Variants in NALF1 observed in about 807,000 individuals in gnomAD.
NALF1 encodes NALCN channel auxiliary factor 1.
Under a neutral mutation model 48.4 loss-of-function variants are expected in NALF1, and 3 were observed. The ratio of observed to expected loss-of-function variants is 0.06; its 90% CI spans 0.03 to 0.16. The LOEUF (loss-of-function observed/expected upper bound fraction) is 0.16, where lower values mean the gene tolerates loss of function less well. NALF1 is among the 10% of genes least tolerant of loss of function. NALF1 has a pLI of 1.00. For missense variants in NALF1, 526 were observed against 571.5 expected (o/e 0.92, Z 0.81); for synonymous variants, 262 against 245.7 (o/e 1.07, Z -0.62).
At chr13:107,669,394 C>T (rs1287911881) in intron 1 of NALF1, among the ~76,000 whole-genome samples, 1 of 152,118 alleles carries the variant, frequency 6.6e-6, no homozygotes, top group Non-Finnish European at 1.5e-5. Context: ...TACTGTAAAA[C>T]TGCTAAGTTC....
intron 2 of NALF1, among the ~76,000 whole-genome samples, chr13:107,189,837 A>G (rs2138783184): frequency 6.6e-6 from 1 of 152,330 alleles, no homozygotes; most frequent in South Asian, 2.1e-4. Flanking sequence ...ATTTGGAATA[A>G]TTTAAGTGTT....
At chr13:107,652,871 A>G (rs986292104) in intron 1 of NALF1, among the ~76,000 whole-genome samples, 5 of 152,136 alleles carry the variant, frequency 3.3e-5, no homozygotes, top group African/African-American at 1.2e-4. Context: ...TCTTTTCACA[A>G]TATGGAAACA....
At chr13:107,194,034 ATC>A (rs1879338874) in intron 2 of NALF1, among the ~76,000 whole-genome samples, 3 of 147,934 alleles carry the variant, frequency 2.0e-5, no homozygotes, top group East Asian at 2.0e-4. Context: ...CTATCTATCT[ATC>A]TATCTATCTA....
Position 107,169,880 on chromosome 13 carries a change from G to A in NALF1, c.*617C>T, listed in dbSNP as rs1432090070. 2.0e-5 allele frequency: 3 copies of A among 152,846 alleles called. No homozygotes were observed. Among genetic ancestry groups the A allele is most frequent in the East Asian group, 1.9e-4 (1 of 5,196 alleles). 9.5% of individuals were successfully genotyped at this position (152,846 alleles called of 1,614,324 possible). A position where few individuals can be genotyped will look rare whatever the true frequency, so the allele number is the denominator to read the frequency against. ...TGTTTGCTTAGGGGACGAGAAGAGGGCGAGGGAAAGGAAAGGCCGGGAAGG... is the reference window on the plus strand; with the variant it reads ...TGTTTGCTTAGGGGACGAGAAGAGGACGAGGGAAAGGAAAGGCCGGGAAGG... On this transcript the variant is annotated 3_prime_UTR_variant, in exon 3 of 3. Coordinates refer to ENST00000375915, the MANE Select transcript of NALF1 (RefSeq NM_001080396.3).
At chr13:107,175,699 A>AGAG (rs1491170072) in intron 2 of NALF1, among the ~76,000 whole-genome samples, 1 of 152,202 alleles carries the variant, frequency 6.6e-6, no homozygotes, top group Non-Finnish European at 1.5e-5. Flanking sequence ...TGCCTTATAT[A>AGAG]GAGTCAGTAG....
At chr13:107,536,825 A>C (rs990497187) in intron 1 of NALF1, among the ~76,000 whole-genome samples, 6 of 152,230 alleles carry the variant, frequency 3.9e-5, no homozygotes, top group Non-Finnish European at 5.9e-5. Flanking sequence ...ACTTGGAACC[A>C]ACCCAAATGT....
chr13:107,266,080 G>A (rs571086748), intron 1 of NALF1, among the ~76,000 whole-genome samples: 2 of 152,302 alleles, frequency 1.3e-5, no homozygotes, highest in South Asian at 2.1e-4. Context: ...CTCTTGCAAA[G>A]CAATCTAACA....
intron 2 of NALF1, among the ~76,000 whole-genome samples, chr13:107,203,241 T>G (rs1325128771): frequency 6.6e-6 from 1 of 152,230 alleles, no homozygotes; most frequent in Non-Finnish European, 1.5e-5. Context: ...AAATCTTTCC[T>G]TTGGCTTCCC....
In NALF1 at chr13:107,575,953, G is replaced by A. The variant is rs528065889; in HGVS notation, c.915+289729C>T. On this transcript the variant is annotated intron_variant, in intron 1 of 2. Transcript: ENST00000375915. ...TGTGTGCATGTGTGTGTATGTGTAT[G>A]TGTGTGTTGGGTGTGTGTGTGTGCA... 2.0e-3 allele frequency among the ~76,000 whole-genome samples: 301 copies of A among 150,788 alleles called. 2 individuals carry two copies. The highest frequency in any genetic ancestry group is 0.01 in the Middle Eastern group (3 of 294).
At chr13:107,737,937 C>T (rs943608805) in intron 1 of NALF1, among the ~76,000 whole-genome samples, 35 of 152,230 alleles carry the variant, frequency 2.3e-4, no homozygotes, top group African/African-American at 7.7e-4. Context: ...TGTGAAATCA[C>T]TTGGAAAACA....
chr13:107,362,739 T>G lies in NALF1; in HGVS notation c.916-151984A>C, dbSNP rs1001762949. On this transcript the variant is annotated intron_variant, in intron 1 of 2. Transcript: ENST00000375915. The surrounding 1 kb of genome is among the most constrained non-coding windows in gnomAD (Gnocchi z 4.6). ...TGTCTGGAGGGATGTGGAGCTCCTATGATCCAGCAAACACCGTGTGTGCTT... is the reference window on the plus strand; with the variant it reads ...TGTCTGGAGGGATGTGGAGCTCCTAGGATCCAGCAAACACCGTGTGTGCTT... 1.3e-5 allele frequency among the ~76,000 whole-genome samples: 2 copies of G among 152,142 alleles called. No individual in the cohort carries two copies. Among genetic ancestry groups the G allele is most frequent in the Admixed American group, 6.6e-5 (1 of 15,260 alleles).
chr13:107,499,429 C>T (rs1351863007), intron 1 of NALF1, among the ~76,000 whole-genome samples: 2 of 152,116 alleles, frequency 1.3e-5, no homozygotes, highest in Non-Finnish European at 2.9e-5. Context: ...ACTGCAGCCG[C>T]AAACTCCTGG....
chr13:107,739,370 A>C (rs1245305098), intron 1 of NALF1, among the ~76,000 whole-genome samples: 1 of 148,348 alleles, frequency 6.7e-6, no homozygotes, highest in Non-Finnish European at 1.5e-5. Context: ...ATATATAAAT[A>C]TATAATTAAG....
chr13:107,858,513 C>T (rs1880491943), intron 1 of NALF1, among the ~76,000 whole-genome samples: 1 of 152,076 alleles, frequency 6.6e-6, no homozygotes, highest in Admixed American at 6.6e-5. Context: ...ATTTGGAAAC[C>T]CCATCTCTAT....
chr13:107,686,065 T>A (rs1444600313), intron 1 of NALF1, among the ~76,000 whole-genome samples: 3 of 152,308 alleles, frequency 2.0e-5, no homozygotes, highest in Admixed American at 2.0e-4. Flanking sequence ...CAGCTGGGCC[T>A]CGAGGGGAGG....
chr13:107,822,555 G>A (rs1879390629), intron 1 of NALF1, among the ~76,000 whole-genome samples: 1 of 152,106 alleles, frequency 6.6e-6, no homozygotes, highest in Admixed American at 6.5e-5. Context: ...GAGAACTACT[G>A]CTTTATCATA....
intron 1 of NALF1, among the ~76,000 whole-genome samples, chr13:107,723,483 G>A (rs780284030): frequency 6.6e-6 from 1 of 152,116 alleles, no homozygotes; most frequent in African/African-American, 2.4e-5. Flanking sequence ...TTTGCTGAAT[G>A]AATGAGAGCA....
chr13:107,737,801 G>C (rs1475868484), intron 1 of NALF1, among the ~76,000 whole-genome samples: 3 of 152,190 alleles, frequency 2.0e-5, no homozygotes, highest in Admixed American at 6.5e-5. Context: ...GTACCCTGCT[G>C]TCTGGGGTTC....
At chr13:107,547,274 A>G (rs1877160581) in intron 1 of NALF1, among the ~76,000 whole-genome samples, 1 of 152,178 alleles carries the variant, frequency 6.6e-6, no homozygotes, top group South Asian at 2.1e-4. Context: ...TGTTTTCCTG[A>G]AAGAAACTGT....
Sources: allele counts gnomAD v4.1 joint callset (sites outside exome capture counted in the v4.1 genomes callset), GRCh38; gene constraint gnomAD v4.1.1; non-coding constraint Gnocchi (gnomAD v3.1); transcripts MANE v1.5; gene names NCBI Gene and HGNC (gene_info 2026-07-23, HGNC 2026-07-21).